Variants in PLEKHG1 observed in about 807,000 individuals in gnomAD.
The protein encoded by PLEKHG1 is pleckstrin homology and RhoGEF domain containing G1.
Under a neutral mutation model 100.8 loss-of-function variants are expected in PLEKHG1, and 44 were observed. The ratio of observed to expected loss-of-function variants is 0.44; its 90% CI spans 0.34 to 0.56. The LOEUF (loss-of-function observed/expected upper bound fraction) is 0.56, where lower values mean the gene tolerates loss of function less well. Ranked by LOEUF, PLEKHG1 falls within the 20% of genes least tolerant of loss-of-function variation. PLEKHG1 has a pLI of 0.01. For missense variants in PLEKHG1, 1,545 were observed against 1,720.9 expected (o/e 0.90, Z 1.81); for synonymous variants, 640 against 662.5 (o/e 0.97, Z 0.52).
chr6:150,797,408 C>T (rs1225626156), intron 5 of PLEKHG1, among the ~76,000 whole-genome samples: 2 of 152,212 alleles, frequency 1.3e-5, no homozygotes, highest in East Asian at 3.9e-4. Flanking sequence ...GTGGTGTGCA[C>T]CTGTAGTCCT....
chr6:150,725,080 G>T (rs1781893621), intron 1 of PLEKHG1, among the ~76,000 whole-genome samples: 1 of 152,194 alleles, frequency 6.6e-6, no homozygotes, highest in Admixed American at 6.5e-5. Context: ...AACAGAAATT[G>T]ATTGCTCACA....
At chr6:150,825,317 T>A (rs1776535559) in intron 14 of PLEKHG1, among the ~76,000 whole-genome samples, 1 of 152,196 alleles carries the variant, frequency 6.6e-6, no homozygotes, top group Admixed American at 6.5e-5. Context: ...GGCACACACC[T>A]GTAATCCTAG....
intron 10 of PLEKHG1, among the ~76,000 whole-genome samples, chr6:150,811,770 CTG>C (rs1295357621): frequency 6.6e-6 from 1 of 152,024 alleles, no homozygotes; most frequent in African/African-American, 2.4e-5. Flanking sequence ...CCCTGGAGGG[CTG>C]TGAGCATGTG....
chr6:150,792,622 C>T (rs149657004), intron 4 of PLEKHG1, among the ~76,000 whole-genome samples: 3 of 147,188 alleles, frequency 2.0e-5, no homozygotes, highest in African/African-American at 5.0e-5. Context: ...TGCAGTGAAC[C>T]GAGATTGCAC....
At chr6:150,785,614 C>T (rs1785578780) in intron 3 of PLEKHG1, among the ~76,000 whole-genome samples, 1 of 152,068 alleles carries the variant, frequency 6.6e-6, no homozygotes, top group South Asian at 2.1e-4. Context: ...AGCACTATCT[C>T]TATTATAATT....
chr6:150,800,549 C>T (rs1398906617), intron 5 of PLEKHG1, among the ~76,000 whole-genome samples, 170 bp from the exon 7 acceptor site: 1 of 152,172 alleles, frequency 6.6e-6, no homozygotes, highest in African/African-American at 2.4e-5. Context: ...TTCTAATTCA[C>T]CCTCCCAGAG....
intron 3 of PLEKHG1, among the ~76,000 whole-genome samples, chr6:150,690,949 A>G (rs1299282015): frequency 6.6e-6 from 1 of 152,104 alleles, no homozygotes; most frequent in East Asian, 1.9e-4. Context: ...CAGCGCATGC[A>G]TTGTTCACTT....
chr6:150,622,688 A>G (rs913250461), intron 1 of PLEKHG1, among the ~76,000 whole-genome samples: 12 of 152,338 alleles, frequency 7.9e-5, no homozygotes, highest in African/African-American at 2.9e-4. Flanking sequence ...TTCAAGGACA[A>G]GTTACTTCTA....
At chr6:150,628,209 C>T (rs73780055) in intron 1 of PLEKHG1, among the ~76,000 whole-genome samples, 1,671 of 152,228 alleles carry the variant, frequency 0.011, 38 homozygotes, top group African/African-American at 0.037. Flanking sequence ...GGCAATGAAG[C>T]AATGATTTAA....
rs1228468572 is a variant in PLEKHG1 at position 150,831,919 on chromosome 6, G to A, written c.2808G>A (p.Leu936=). 6 of 1,613,890 alleles carry A rather than the reference G, an allele frequency of 3.7e-6. No individual in the cohort carries two copies. The African/African-American group carries it at 5.3e-5, about 14-fold the overall frequency. Residue 936 remains leucine (L), a synonymous_variant, in exon 15 of 16, where the codon CTG becomes CTA. Coordinates refer to ENST00000358517, the Ensembl canonical transcript of PLEKHG1. This position sits in a 1 kb window ranked among gnomAD's most constrained non-coding sequence, Gnocchi z 4.1. Reference sequence around the variant, plus strand: ...TTATGAGCCTTAACCGGCTTTCTCTGGCTAGTGAAATGCCCCTCATGGACA... The same window carrying A: ...TTATGAGCCTTAACCGGCTTTCTCTAGCTAGTGAAATGCCCCTCATGGACA...
At chr6:150,787,696 A>T (rs1256972156) in intron 4 of PLEKHG1, among the ~76,000 whole-genome samples, 1 of 152,210 alleles carries the variant, frequency 6.6e-6, no homozygotes, top group Non-Finnish European at 1.5e-5. Context: ...ATGGTGGCAG[A>T]TGCATCCTGA....
At chr6:150,700,228 TA>T (rs1780713167) in intron 3 of PLEKHG1, among the ~76,000 whole-genome samples, 1 of 152,204 alleles carries the variant, frequency 6.6e-6, no homozygotes. Context: ...CAGCGGTGTC[TA>T]CCATTGATCT....
intron 3 of PLEKHG1, among the ~76,000 whole-genome samples, chr6:150,664,779 G>T (rs974536989): frequency 1.3e-5 from 2 of 152,162 alleles, no homozygotes; most frequent in Non-Finnish European, 2.9e-5. Context: ...GCCAACTGGG[G>T]CTTTGTTCTT....
At chr6:150,635,444 G>A (rs1033670854) in intron 1 of PLEKHG1, among the ~76,000 whole-genome samples, 1 of 152,192 alleles carries the variant, frequency 6.6e-6, no homozygotes, top group Non-Finnish European at 1.5e-5. Flanking sequence ...TACACTAAGT[G>A]TAATTTGTAA....
chr6:150,704,840 C>A (rs1780940138), intron 3 of PLEKHG1, among the ~76,000 whole-genome samples: 1 of 152,184 alleles, frequency 6.6e-6, no homozygotes, highest in Non-Finnish European at 1.5e-5. Flanking sequence ...CCAGTGAGGC[C>A]TTTCTTCCTG....
At chr6:150,802,044 A>G (rs1422581736) in intron 6 of PLEKHG1, among the ~76,000 whole-genome samples, 2 of 152,196 alleles carry the variant, frequency 1.3e-5, no homozygotes, top group African/African-American at 4.8e-5. Context: ...CTCCACGTCA[A>G]CAGGCCTGCA....
intron 2 of PLEKHG1, among the ~76,000 whole-genome samples, chr6:150,745,328 G>A (rs1372607771): frequency 6.6e-6 from 1 of 152,154 alleles, no homozygotes; most frequent in African/African-American, 2.4e-5. Context: ...GTCCATCAGT[G>A]ACCAAAACGT....
intron 2 of PLEKHG1, among the ~76,000 whole-genome samples, chr6:150,750,780 CA>C (rs1158670858): frequency 5.6e-3 from 210 of 37,392 alleles, no homozygotes; most frequent in Middle Eastern, 0.013. Flanking sequence ...GACTCCATCT[CA>C]AAAAAAAAAA....
exon 1 of PLEKHG1, chr6:150,721,194 A>C (rs1223372374): frequency 2.0e-6 from 2 of 984,152 alleles, no homozygotes; most frequent in African/African-American, 3.5e-5. Context: ...GCCTGAGTGG[A>C]GCAGAGGTAG....
Sources: allele counts gnomAD v4.1 joint callset (sites outside exome capture counted in the v4.1 genomes callset), GRCh38; gene constraint gnomAD v4.1.1; non-coding constraint Gnocchi (gnomAD v3.1); transcripts MANE v1.5; gene names NCBI Gene and HGNC (gene_info 2026-07-23, HGNC 2026-07-21).